Variants in CSPG5 observed in about 807,000 individuals in gnomAD.
CSPG5 encodes acidic leucine-rich EGF-like domain-containing brain protein.
Under a neutral mutation model 39.8 loss-of-function variants are expected in CSPG5, and 25 were observed. The ratio of observed to expected loss-of-function variants is 0.63; its 90% CI spans 0.46 to 0.88. The LOEUF is 0.88. Ranked by LOEUF, CSPG5 falls within the 40% of genes least tolerant of loss-of-function variation. CSPG5 has a pLI of 0.00. For missense variants in CSPG5, 627 were observed against 702.2 expected, an observed-to-expected ratio of 0.89 and a Z score of 1.21; for synonymous variants, 295 against 303.9, an observed-to-expected ratio of 0.97 and a Z score of 0.31.
At chr3:47,563,045 G>C (rs575533322) in intron 4 of CSPG5, among the ~76,000 whole-genome samples, 1 of 152,182 alleles carries the variant, frequency 6.6e-6, no homozygotes, top group Non-Finnish European at 1.5e-5. Flanking sequence ...AGAGATTGGG[G>C]AGAAAGAGTC....
chr3:47,576,782 C>A (rs1453433564), intron 2 of CSPG5, 51 bp downstream of exon 2: 2 of 1,511,568 alleles, frequency 1.3e-6, no homozygotes, highest in Non-Finnish European at 1.8e-6. Flanking sequence ...GTTGAGTCGG[C>A]CTCACATACA....
Position 47,569,257 on chromosome 3 carries a change from T to C in CSPG5, c.1383-30A>G, listed in dbSNP as rs757401321. ...TTAGGAGAGAAGAGTGAAGGAAACA[T>C]GTAAGTGAAATAATCACGGCAAAAC... On this transcript the variant is annotated intron_variant, in intron 3 of 4. Transcript: ENST00000264723. 7 of 1,605,956 alleles carry C rather than the reference T, an allele frequency of 4.4e-6. No homozygotes were observed. In the African/African-American group the frequency reaches 6.7e-5, roughly 15 times the overall value.
In CSPG5 at chr3:47,562,585, T is replaced by C; in HGVS notation, c.*15A>G. 4 of 1,541,660 alleles carry C rather than the reference T, an allele frequency of 2.6e-6. No homozygotes were observed. Among genetic ancestry groups the C allele is most frequent in the Non-Finnish European group, 3.6e-6 (4 of 1,124,454 alleles). ...CCCCACCCACTACCCCCGCTTCCTC[T>C]CTTCTTGCTCTGCTTTAGGTTAAAT... On this transcript the variant is annotated 3_prime_UTR_variant, in exon 5 of 5. Coordinates refer to ENST00000264723, the MANE Select transcript of CSPG5 (RefSeq NM_006574.4).
Position 47,570,269 on chromosome 3 carries a change from ATT to A in CSPG5, c.1383-1044_1383-1043del, listed in dbSNP as rs36030946. Among the ~76,000 whole-genome samples, 904 of 136,480 alleles carry A rather than the reference ATT, an allele frequency of 6.6e-3. 4 individuals are homozygous for A. The highest frequency in any genetic ancestry group is 0.015 in the Middle Eastern group (4 of 264). 89.5% of individuals were successfully genotyped at this position (136,480 alleles called of 152,430 possible). ...CCCTCTTCCAGATTATCTTAAAACA[ATT>A]TTTTTTTTTTTTTGTAAAGATGAGG... On this transcript the variant is annotated intron_variant, in intron 3 of 4. Coordinates refer to ENST00000264723, the MANE Select transcript of CSPG5 (RefSeq NM_006574.4).
intron 4 of CSPG5, among the ~76,000 whole-genome samples, chr3:47,567,242 C>A (rs994366048): frequency 1.3e-5 from 2 of 152,152 alleles, no homozygotes; most frequent in African/African-American, 4.8e-5. Flanking sequence ...CAGGAGCTCC[C>A]GTCCTGGCAG....
At position 47,576,822 on chromosome 3, in the gene CSPG5, C is replaced by A; in HGVS notation, c.1193+11G>T. The A allele has an allele frequency of 1.3e-6, 2 of 1,541,954 alleles. No individual in the cohort carries two copies. The highest frequency in any genetic ancestry group is 1.3e-5 in the South Asian group (1 of 79,148). On this transcript the variant is annotated intron_variant, in intron 2 of 4. Transcript: ENST00000264723. ...TCAGTGTCCCTATGCACCTGCCTGCCATGCCCTTACCTGCAGAAGGCCCCT... is the reference window on the plus strand; with the variant it reads ...TCAGTGTCCCTATGCACCTGCCTGCAATGCCCTTACCTGCAGAAGGCCCCT...
chr3:47,573,078 A>G (rs2031587428), intron 2 of CSPG5, among the ~76,000 whole-genome samples: 1 of 152,172 alleles, frequency 6.6e-6, no homozygotes, highest in African/African-American at 2.4e-5. Context: ...TGGGCCAGGG[A>G]GCTCTGAGGT....
At chr3:47,563,018 A>C (rs1374039450) in intron 4 of CSPG5, among the ~76,000 whole-genome samples, 1 of 152,220 alleles carries the variant, frequency 6.6e-6, no homozygotes, top group Non-Finnish European at 1.5e-5. Context: ...TGCCATGTCC[A>C]AGGTTTTCTC....
At position 47,572,965 on chromosome 3, in the gene CSPG5, A is replaced by C; in HGVS notation, c.1194-91T>G. Reference sequence around the variant, plus strand: ...GGCCCTGACCCCAACACCTATCTCCACAGCCTGTTCCGAAGGCCATCTAGA... The same window carrying C: ...GGCCCTGACCCCAACACCTATCTCCCCAGCCTGTTCCGAAGGCCATCTAGA... On this transcript the variant is annotated intron_variant, in intron 2 of 4. Transcript: ENST00000264723. This position sits in a 1 kb window ranked among gnomAD's most constrained non-coding sequence, Gnocchi z 4.5. 1.1e-4 allele frequency: 125 copies of C among 1,088,272 alleles called. No individual in the cohort carries two copies. The highest frequency in any genetic ancestry group is 1.5e-4 in the Non-Finnish European group (111 of 760,366). 67.4% of individuals were successfully genotyped at this position (1,088,272 alleles called of 1,614,324 possible).
chr3:47,572,781 A>C lies in CSPG5; in HGVS notation c.1287T>G (p.Ala429=). The change falls in exon 3 of 5, where the codon GCT becomes GCG. Residue 429 remains alanine (A), a synonymous_variant. Coordinates refer to ENST00000264723, the MANE Select transcript of CSPG5 (RefSeq NM_006574.4). The surrounding 1 kb of genome is among the most constrained non-coding windows in gnomAD (Gnocchi z 4.5). Reference sequence around the variant, plus strand: ...TGAAGAGCAGGAGCAGGACGAGGGCAGCCGAGCCCACGGCCACGCACATCA... The same window carrying C: ...TGAAGAGCAGGAGCAGGACGAGGGCCGCCGAGCCCACGGCCACGCACATCA... ...FQVMCVAVGS[A]ALVLLLLFMM... is the part of the protein sequence containing the mutation. 1 of 1,614,224 alleles carries C rather than the reference A, an allele frequency of 6.2e-7. No homozygotes were observed. The highest frequency in any genetic ancestry group is 8.5e-7 in the Non-Finnish European group (1 of 1,180,026).
At chr3:47,576,715 C>A in intron 2 of CSPG5, 118 bp downstream of exon 2, 1 of 1,193,252 alleles carries the variant, frequency 8.4e-7, no homozygotes, top group African/African-American at 1.5e-5. Flanking sequence ...CTGCCTCAGC[C>A]TCCCAAAGTG....
intron 4 of CSPG5, among the ~76,000 whole-genome samples, chr3:47,564,665 A>C (rs2031222062): frequency 6.6e-6 from 1 of 152,218 alleles, no homozygotes; most frequent in Non-Finnish European, 1.5e-5. Context: ...ATAAATGTCC[A>C]TCTCCTGAGA....
upstream of CSPG5, chr3:47,580,149 G>A (rs777304601): frequency 6.6e-6 from 1 of 152,294 alleles, no homozygotes; most frequent in Non-Finnish European, 1.5e-5. Flanking sequence ...GAAAAACTCA[G>A]TTCTTATCAC....
chr3:47,564,105 T>A (rs1559609482), intron 4 of CSPG5, among the ~76,000 whole-genome samples: 1 of 152,224 alleles, frequency 6.6e-6, no homozygotes, highest in Non-Finnish European at 1.5e-5. Flanking sequence ...GATTCATGGA[T>A]GACAAGAAGG....
At chr3:47,570,741 C>T (rs75365613) in intron 3 of CSPG5, among the ~76,000 whole-genome samples, 14 of 151,802 alleles carry the variant, frequency 9.2e-5, no homozygotes, top group African/African-American at 2.9e-4. Context: ...CTCCTGACCT[C>T]GTGATCCACC....
chr3:47,574,300 G>T (rs1206105339), intron 2 of CSPG5, among the ~76,000 whole-genome samples: 1 of 152,058 alleles, frequency 6.6e-6, no homozygotes, highest in Admixed American at 6.6e-5. Context: ...AGGCAGCAAG[G>T]GCTCCAAATT....
At chr3:47,567,426 A>T (rs1449316156) in intron 4 of CSPG5, among the ~76,000 whole-genome samples, 1 of 151,970 alleles carries the variant, frequency 6.6e-6, no homozygotes, top group African/African-American at 2.4e-5. Flanking sequence ...GAACATGGTG[A>T]CCAATTTTAG....
At chr3:47,565,829 T>C (rs970703496) in intron 4 of CSPG5, among the ~76,000 whole-genome samples, 2 of 152,338 alleles carry the variant, frequency 1.3e-5, no homozygotes, top group Non-Finnish European at 2.9e-5. Context: ...CAGCCCAGTG[T>C]TGGGGCAGCT....
At chr3:47,564,976 GACCTATAATC>G (rs1328209910) in intron 4 of CSPG5, among the ~76,000 whole-genome samples, 2 of 152,056 alleles carry the variant, frequency 1.3e-5, no homozygotes, top group Non-Finnish European at 2.9e-5. Context: ...AGGACAAGAG[GACCTATAATC>G]ACCTCTCCTC....
Sources: allele counts gnomAD v4.1 joint callset (sites outside exome capture counted in the v4.1 genomes callset), GRCh38; gene constraint gnomAD v4.1.1; non-coding constraint Gnocchi (gnomAD v3.1); transcripts MANE v1.5; gene names NCBI Gene and HGNC (gene_info 2026-07-23, HGNC 2026-07-21).